The following SCHIP1 variants were observed in gnomAD, a reference collection of about 807,000 sequenced individuals.
SCHIP1 encodes the protein schwannomin interacting protein 1, also known as schwannomin-interacting protein 1.
In SCHIP1, 8 loss-of-function variants were observed where a neutral mutation model predicts 29.7. The observed-to-expected ratio is 0.27, with a 90% CI of 0.16 to 0.49. SCHIP1 has a LOEUF of 0.49. SCHIP1 is among the 20% of genes least tolerant of loss of function. The probability of loss-of-function intolerance (pLI) is 0.99; values close to 1 mark genes in which losing one functional copy is unlikely to be tolerated. For missense variants in SCHIP1, 193 were observed against 294.6 expected, an observed-to-expected ratio of 0.66 and a Z score of 2.52; for synonymous variants, 76 against 94.9, an observed-to-expected ratio of 0.80 and a Z score of 1.16.
the SCHIP1 span, among the ~76,000 whole-genome samples, chr3:159,687,591 C>G: frequency 6.6e-6 from 1 of 151,864 alleles, no homozygotes; most frequent in African/African-American, 2.4e-5. Context: ...ACTTGGAAAA[C>G]CCTCTCTTTT....
chr3:159,570,346 T>G, the SCHIP1 span, among the ~76,000 whole-genome samples: 1 of 152,218 alleles, frequency 6.6e-6, no homozygotes, highest in Non-Finnish European at 1.5e-5. Flanking sequence ...GGGATCCAGT[T>G]TCAGCTTTCT....
the SCHIP1 span, among the ~76,000 whole-genome samples, chr3:159,680,624 T>A: frequency 7.0e-5 from 6 of 86,260 alleles, no homozygotes; most frequent in South Asian, 2.9e-4. Context: ...GTATATATAA[T>A]ATATATTTTA....
chr3:159,733,257 A>G, the SCHIP1 span, among the ~76,000 whole-genome samples: 3 of 152,194 alleles, frequency 2.0e-5, no homozygotes, highest in Non-Finnish European at 2.9e-5. Flanking sequence ...GCCTGGTACA[A>G]TATTAATTTG....
At chr3:159,856,018 A>G (rs1713314365) in intron 1 of SCHIP1, among the ~76,000 whole-genome samples, 1 of 152,204 alleles carries the variant, frequency 6.6e-6, no homozygotes, top group Non-Finnish European at 1.5e-5. Context: ...CTCAACAGAA[A>G]ACATATCTTA....
chr3:159,873,914 G>A (rs891630700), intron 2 of SCHIP1, among the ~76,000 whole-genome samples: 10 of 152,110 alleles, frequency 6.6e-5, no homozygotes, highest in Non-Finnish European at 1.0e-4. Flanking sequence ...TATAAAATAT[G>A]TTTTCATTGG....
chr3:159,486,404 C>T, the SCHIP1 span, among the ~76,000 whole-genome samples: 1 of 152,254 alleles, frequency 6.6e-6, no homozygotes, highest in African/African-American at 2.4e-5. Flanking sequence ...CAGTATTTTT[C>T]TTCTGTGACT....
At chr3:159,326,912 G>A in the SCHIP1 span, among the ~76,000 whole-genome samples, 40 of 152,252 alleles carry the variant, frequency 2.6e-4, no homozygotes, top group African/African-American at 8.7e-4. Context: ...CTGTTCCAGA[G>A]TTTCATCTTT....
the SCHIP1 span, among the ~76,000 whole-genome samples, chr3:159,503,702 A>G: frequency 6.6e-6 from 1 of 152,200 alleles, no homozygotes; most frequent in Non-Finnish European, 1.5e-5. Context: ...ACTTCCTTTG[A>G]CCAAATGACA....
At chr3:159,597,215 A>G in the SCHIP1 span, among the ~76,000 whole-genome samples, 39 of 152,230 alleles carry the variant, frequency 2.6e-4, no homozygotes, top group African/African-American at 8.7e-4. Flanking sequence ...AACTAATTAT[A>G]TAGATATTTT....
At chr3:159,757,634 C>T in the SCHIP1 span, among the ~76,000 whole-genome samples, 1 of 152,184 alleles carries the variant, frequency 6.6e-6, no homozygotes, top group Non-Finnish European at 1.5e-5. Context: ...AAGTTACAGC[C>T]CATGAAATTC....
At chr3:159,718,473 T>C in the SCHIP1 span, among the ~76,000 whole-genome samples, 13 of 152,086 alleles carry the variant, frequency 8.5e-5, no homozygotes, top group Admixed American at 3.3e-4. Context: ...GATTGTATAT[T>C]TAGAAAACCC....
At chr3:159,808,997 T>G in the SCHIP1 span, among the ~76,000 whole-genome samples, 2 of 151,134 alleles carry the variant, frequency 1.3e-5, no homozygotes, top group African/African-American at 4.9e-5. Flanking sequence ...TTTTTTTTTT[T>G]TTATTATACT....
intron 1 of SCHIP1, among the ~76,000 whole-genome samples, chr3:159,846,784 T>C (rs1010037511): frequency 6.6e-6 from 1 of 152,184 alleles, no homozygotes; most frequent in East Asian, 1.9e-4. Flanking sequence ...AAAGTATAAT[T>C]ATTGTCTGCC....
chr3:159,742,307 G>A, the SCHIP1 span, among the ~76,000 whole-genome samples: 1 of 152,146 alleles, frequency 6.6e-6, no homozygotes, highest in South Asian at 2.1e-4. Context: ...TCGCAGGACC[G>A]GGACAAGAAG....
At chr3:159,289,917 G>A in the SCHIP1 span, among the ~76,000 whole-genome samples, 1 of 152,164 alleles carries the variant, frequency 6.6e-6, no homozygotes, top group Non-Finnish European at 1.5e-5. Flanking sequence ...ATAGCACTGT[G>A]GTCTTTTTTA....
At chr3:159,461,737 G>A in the SCHIP1 span, among the ~76,000 whole-genome samples, 6 of 151,730 alleles carry the variant, frequency 4.0e-5, no homozygotes, top group South Asian at 4.2e-4. Flanking sequence ...GATGGGAAAC[G>A]GAAGGGGGGT....
the SCHIP1 span, among the ~76,000 whole-genome samples, chr3:159,594,170 C>A: frequency 6.6e-6 from 1 of 152,208 alleles, no homozygotes; most frequent in Non-Finnish European, 1.5e-5. Context: ...AATTCACTAG[C>A]TTCCTGTGTT....
the SCHIP1 span, among the ~76,000 whole-genome samples, chr3:159,332,414 C>T: frequency 6.6e-6 from 1 of 152,172 alleles, no homozygotes; most frequent in Non-Finnish European, 1.5e-5. Context: ...TCTCCCAAGT[C>T]CATATTCTTT....
At chr3:159,869,291 C>T (rs966684340) in intron 2 of SCHIP1, among the ~76,000 whole-genome samples, 4 of 151,888 alleles carry the variant, frequency 2.6e-5, no homozygotes, top group African/African-American at 9.7e-5. Context: ...CAATGGCTTT[C>T]TGTATCTTGT....
Sources: gnomAD v4.1 joint callset for allele counts (sites outside exome capture counted in the v4.1 genomes callset) on GRCh38, gnomAD v4.1.1 for gene constraint, MANE v1.5 for transcripts, NCBI Gene and HGNC (gene_info 2026-07-23, HGNC 2026-07-21) for gene names.